Variants in MAST3 observed in about 807,000 individuals in gnomAD.
The protein encoded by MAST3 is microtubule associated serine/threonine kinase 3, also known as microtubule-associated serine/threonine-protein kinase 3.
In MAST3, 43 loss-of-function variants were observed where a neutral mutation model predicts 127.0. The observed-to-expected ratio is 0.34, with a 90% CI of 0.27 to 0.44. MAST3 has a LOEUF of 0.44. Ranked by LOEUF, MAST3 falls within the 20% of genes least tolerant of loss-of-function variation. The pLI is 1.00. For missense variants in MAST3, 1,390 were observed against 1,919.1 expected (o/e 0.72, Z 5.15); for synonymous variants, 785 against 809.2 (o/e 0.97, Z 0.51).
chr19:18,122,112 T>C, intron 5 of MAST3, 190 bp downstream of exon 5: 1 of 985,072 alleles, frequency 1.0e-6, no homozygotes, highest in Non-Finnish European at 1.2e-6. Flanking sequence ...TGCAGCCACA[T>C]CCCACGCATG....
Position 18,110,155 on chromosome 19 carries a change from GC to G in MAST3, c.72-492del. 1 of 985,346 alleles carries G rather than the reference GC, an allele frequency of 1.0e-6. No individual in the cohort carries two copies. Among genetic ancestry groups the G allele is most frequent in the South Asian group, 4.7e-5 (1 of 21,286 alleles). 61.0% of individuals were successfully genotyped at this position (985,346 alleles called of 1,614,324 possible). Reference sequence around the variant, plus strand: ...CCCGCCCCGAGGCGGAGCCAGCCCGGCCCCCAGCGGCCCAGCCCCCGCGTCT... The same window carrying G: ...CCCGCCCCGAGGCGGAGCCAGCCCGGCCCCAGCGGCCCAGCCCCCGCGTCT... On this transcript the variant is annotated intron_variant, in intron 2 of 27. Transcript: ENST00000687212. The surrounding 1 kb of genome is among the most constrained non-coding windows in gnomAD (Gnocchi z 4.3).
In MAST3 at chr19:18,129,379, G is replaced by A. The variant is rs971607277; in HGVS notation, c.1223+428G>A. The A allele has an allele frequency of 1.1e-4, 19 of 170,392 alleles. No individual in the cohort carries two copies. In the South Asian group the frequency reaches 1.2e-3, roughly 10 times the overall value. The allele number at this position is 170,392 out of a possible 1,614,324, so 10.6% of individuals were successfully genotyped here. The stretch of plus-strand genomic sequence containing the variant: ...GGAGAGGCCGGCAAGGGAACTCCCC[G>A]GGCAGAGGGGGATCAGAGAGGGGGC... On this transcript the variant is annotated intron_variant, in intron 13 of 27. Transcript: ENST00000687212.
At position 18,130,656 on chromosome 19, in the gene MAST3, C is replaced by T. The variant is rs765987240; in HGVS notation, c.1386C>T (p.Ser462=). ...CCTTTGTGGTCAGCATGTTCTGCTCCTTTGAGACCCGGCGCCACCTATGTA... is the reference window on the plus strand; with the variant it reads ...CCTTTGTGGTCAGCATGTTCTGCTCTTTTGAGACCCGGCGCCACCTATGTA... ...ENPFVVSMFC[S]FETRRHLCMV... The change falls in exon 14 of 28, where the codon TCC becomes TCT. Residue 462 remains serine, a synonymous_variant. Transcript: ENST00000687212. The T allele has an allele frequency of 1.2e-6, 2 of 1,614,156 alleles. No individual in the cohort carries two copies. The highest frequency in any genetic ancestry group is 1.1e-5 in the South Asian group (1 of 91,070).
chr19:18,147,618 C>T lies in MAST3; in HGVS notation c.3502C>T (p.Pro1168Ser). The change falls in exon 27 of 28, where the codon CCA (proline) becomes TCA (serine). Residue 1168 changes from proline (P) to serine (S), a missense_variant. Coordinates refer to ENST00000687212, the MANE Select transcript of MAST3 (RefSeq NM_001393504.1). ...TPCRSPAPDV[P>S]ADTTASPPSA... ...CTGCCGAAGCCCAGCCCCTGATGTC[C>T]CAGCAGGTGGGTGCACCCCGACCCC... The T allele has an allele frequency of 6.5e-7, 1 of 1,546,878 alleles. No homozygotes were observed. The highest frequency in any genetic ancestry group is 8.7e-7 in the Non-Finnish European group (1 of 1,144,222).
chr19:18,123,565 C>A lies in MAST3; in HGVS notation c.558-15C>A. ...TCTCAGGTCCCATATCACAAGCCAG[C>A]TGTCTTCCTTTCAGCCCGGGCCGTG... is the stretch of plus-strand genomic sequence containing the variant. On this transcript the variant is annotated splice_polypyrimidine_tract_variant and intron_variant, in intron 7 of 27. Transcript: ENST00000687212. 1 of 1,547,996 alleles carries A rather than the reference C, an allele frequency of 6.5e-7. No individual in the cohort carries two copies.
At position 18,144,131 on chromosome 19, in the gene MAST3, G is replaced by A; in HGVS notation, c.2584+124G>A. On this transcript the variant is annotated intron_variant, in intron 22 of 27. Coordinates refer to ENST00000687212, the MANE Select transcript of MAST3 (RefSeq NM_001393504.1). This position sits in a 1 kb window ranked among gnomAD's most constrained non-coding sequence, Gnocchi z 4.0. ...AGCCAACAAAGGCTTTAAGAGAGGA[G>A]AAGCCAGGGTCCCAGAGAGACCCCC... The A allele has an allele frequency of 7.4e-7, 1 of 1,352,628 alleles. No individual in the cohort carries two copies. Among genetic ancestry groups the A allele is most frequent in the Non-Finnish European group, 9.9e-7 (1 of 1,015,176 alleles). The allele number at this position is 1,352,628 out of a possible 1,614,324, so 83.8% of individuals were successfully genotyped here.
At chr19:18,100,128 C>CTCTTTTTTTTTTTTTTGTTTTTTT (rs776661078) in intron 1 of MAST3, among the ~76,000 whole-genome samples, 1 of 121,720 alleles carries the variant, frequency 8.2e-6, no homozygotes, top group Non-Finnish European at 1.8e-5. Context: ...CTCTCTCTCT[C>CTCTTTTTTTTTTTTTTGTTTTTTT]TTTTTTTTTT....
intron 12 of MAST3, 73 bp downstream of exon 12, chr19:18,128,531 G>T: frequency 4.1e-6 from 6 of 1,457,448 alleles, no homozygotes; most frequent in African/African-American, 1.4e-5. Context: ...CGCAGAAAGG[G>T]CTGGGTTTGC....
At chr19:18,141,704 G>T (rs576223329) in intron 20 of MAST3, among the ~76,000 whole-genome samples, 178 bp from the exon 21 acceptor site, 4 of 151,578 alleles carry the variant, frequency 2.6e-5, no homozygotes, top group Admixed American at 6.6e-5. Flanking sequence ...TTTGTTACTG[G>T]TTTTTTTGTT....
intron 1 of MAST3, among the ~76,000 whole-genome samples, chr19:18,105,804 T>C (rs1435502976): frequency 1.3e-5 from 2 of 152,150 alleles, no homozygotes; most frequent in Non-Finnish European, 2.9e-5. Flanking sequence ...CCAGAGTTGG[T>C]GCAGGTCAGT....
At chr19:18,147,245 G>A (rs895994788) in intron 26 of MAST3, among the ~76,000 whole-genome samples, 198 bp from the exon 27 acceptor site, 5 of 151,754 alleles carry the variant, frequency 3.3e-5, no homozygotes, top group African/African-American at 9.7e-5. Flanking sequence ...CTGGGACTAC[G>A]GCGTGCACCA....
At chr19:18,146,338 A>G (rs1013872433) in intron 25 of MAST3, among the ~76,000 whole-genome samples, 1 of 152,176 alleles carries the variant, frequency 6.6e-6, no homozygotes, top group Admixed American at 6.5e-5. Context: ...CTAGGTACTT[A>G]GGAGTCTGAG....
At chr19:18,140,303 C>A (rs1013177757) in intron 20 of MAST3, among the ~76,000 whole-genome samples, 1 of 151,828 alleles carries the variant, frequency 6.6e-6, no homozygotes, top group Non-Finnish European at 1.5e-5. Flanking sequence ...GCCTGAACCC[C>A]CAGAGGTGGA....
Position 18,134,717 on chromosome 19 carries a change from C to G in MAST3, c.1704+6C>G. ...GAGAGTTCATCGACAAGCAGGTGGG[C>G]GGGCAGGTGGGTGGGCAGCCCCGGG... is the stretch of plus-strand genomic sequence containing the variant. On this transcript the variant is annotated splice_donor_region_variant and intron_variant, in intron 16 of 27. Transcript: ENST00000687212. 2 of 1,612,216 alleles carry G rather than the reference C, an allele frequency of 1.2e-6. No homozygotes were observed. The highest frequency in any genetic ancestry group is 1.7e-6 in the Non-Finnish European group (2 of 1,178,704).
rs770572538 is a variant in MAST3, at chr19:18,134,996, A to T, written c.1870+14A>T. 3.1e-5 allele frequency: 49 copies of T among 1,588,050 alleles called. No homozygotes were observed. Among genetic ancestry groups the T allele is most frequent in the Non-Finnish European group, 4.2e-5 (49 of 1,163,760 alleles). On this transcript the variant is annotated intron_variant, in intron 17 of 27. Transcript: ENST00000687212. ...AGGTGGTCAGCGGTGCGTTTCCTCC[A>T]CGGGCCTGGGTTTGAGCTGCAGCCC...
At chr19:18,123,004 C>T (rs936167213) in intron 6 of MAST3, among the ~76,000 whole-genome samples, 2 of 152,190 alleles carry the variant, frequency 1.3e-5, no homozygotes, top group African/African-American at 4.8e-5. Context: ...CAGAGGGGGA[C>T]TTGGGGCTGC....
rs141976466 is a variant in MAST3 at position 18,141,082 on chromosome 19, C to A, written c.2206-800C>A. Among the ~76,000 whole-genome samples, 10 of 152,302 alleles carry A rather than the reference C, an allele frequency of 6.6e-5. No homozygotes were observed. The East Asian group carries it at 1.9e-3, about 29-fold the overall frequency. On this transcript the variant is annotated intron_variant, in intron 20 of 27. Coordinates refer to ENST00000687212, the MANE Select transcript of MAST3 (RefSeq NM_001393504.1). ...GTCCTGGGATTAAAGGCATGAACCA[C>A]CGCACCTGGCCCTGGATGTTATTTT...
intron 1 of MAST3, among the ~76,000 whole-genome samples, chr19:18,105,281 C>T (rs916345599): frequency 2.0e-5 from 3 of 152,066 alleles, no homozygotes; most frequent in African/African-American, 4.8e-5. Context: ...TCAGGAGAAT[C>T]GCTTGAACCC....
rs2038656949 is a variant in MAST3 at position 18,111,639 on chromosome 19, A to G, written c.161+898A>G. The stretch of plus-strand genomic sequence containing the variant: ...AACCTCCACCTCCTGGGTTCAAGCA[A>G]TTCTCCTGTTGTAGCCTCCCAAGTA... On this transcript the variant is annotated intron_variant, in intron 3 of 27. Coordinates refer to ENST00000687212, the MANE Select transcript of MAST3 (RefSeq NM_001393504.1). Among the ~76,000 whole-genome samples, 11 of 149,872 alleles carry G rather than the reference A, an allele frequency of 7.3e-5. No individual in the cohort carries two copies. The South Asian group carries it at 2.3e-3, about 31-fold the overall frequency.
Sources: allele counts gnomAD v4.1 joint callset (sites outside exome capture counted in the v4.1 genomes callset), GRCh38; gene constraint gnomAD v4.1.1; non-coding constraint Gnocchi (gnomAD v3.1); transcripts MANE v1.5; gene names NCBI Gene and HGNC (gene_info 2026-07-23, HGNC 2026-07-21).